The following PELI2 variants were observed in gnomAD, a reference collection of about 807,000 sequenced individuals.
The protein encoded by PELI2 is pellino E3 ubiquitin protein ligase family member 2.
Under a neutral mutation model 42.3 loss-of-function variants are expected in PELI2, and 23 were observed. That is an observed-to-expected ratio of 0.54 (90% confidence interval 0.39 to 0.77). The LOEUF (loss-of-function observed/expected upper bound fraction) is 0.77, where lower values mean the gene tolerates loss of function less well. Ranked by LOEUF, PELI2 falls within the 30% of genes least tolerant of loss-of-function variation. The pLI is 0.00. For synonymous variants in PELI2, 245 were observed against 212.2 expected (o/e 1.15, Z -1.34); for missense variants, 463 against 553.2 (o/e 0.84, Z 1.64).
rs747360305 is a variant in PELI2 at position 56,118,696 on chromosome 14, C to A, written c.36C>A (p.Pro12=). Residue 12 remains proline, a synonymous_variant, in exon 1 of 6, where the codon CCC becomes CCA. Transcript: ENST00000267460. The part of the protein sequence containing the change: ...FSPGQEEHCA[P]NKEPVKYGEL... Reference sequence around the variant, plus strand: ...CTGGCCAGGAGGAACACTGCGCCCCCAATAAGGAGCCAGTGAAATACGGGG... The same window carrying A: ...CTGGCCAGGAGGAACACTGCGCCCCAAATAAGGAGCCAGTGAAATACGGGG... 10 of 1,525,656 alleles carry A rather than the reference C, an allele frequency of 6.6e-6. No homozygotes were observed. Among genetic ancestry groups the A allele is most frequent in the Non-Finnish European group, 8.8e-6 (10 of 1,136,590 alleles). The allele number at this position is 1,525,656 out of a possible 1,614,324, so 94.5% of individuals were successfully genotyped here. A position where few individuals can be genotyped will look rare whatever the true frequency, so the allele number is the denominator to read the frequency against.
intron 1 of PELI2, among the ~76,000 whole-genome samples, chr14:56,173,106 A>G (rs1428983174): frequency 2.6e-5 from 4 of 152,056 alleles, no homozygotes; most frequent in Non-Finnish European, 1.5e-5. Flanking sequence ...GGAGCTCCAG[A>G]CCTAACTTCA....
intron 2 of PELI2, among the ~76,000 whole-genome samples, chr14:56,209,926 G>A (rs539007509): frequency 6.6e-6 from 1 of 152,302 alleles, no homozygotes; most frequent in East Asian, 1.9e-4. Context: ...TTTGTACCAG[G>A]TGAAAGGAGA....
At chr14:56,232,390 A>C (rs1887617322) in intron 2 of PELI2, among the ~76,000 whole-genome samples, 1 of 152,172 alleles carries the variant, frequency 6.6e-6, no homozygotes. Context: ...ATCCAGCAGC[A>C]CATCAAAAAG....
intron 2 of PELI2, among the ~76,000 whole-genome samples, chr14:56,232,113 A>G (rs985431070): frequency 5.3e-5 from 8 of 152,230 alleles, no homozygotes; most frequent in Non-Finnish European, 1.0e-4. Context: ...CGTGGCAATA[A>G]TTAATAGCTT....
At chr14:56,294,454 G>A (rs1264335034) in intron 5 of PELI2, among the ~76,000 whole-genome samples, 1 of 152,220 alleles carries the variant, frequency 6.6e-6, no homozygotes, top group Non-Finnish European at 1.5e-5. Flanking sequence ...TGCATTGGGA[G>A]TGACCTTTTA....
At chr14:56,268,857 G>C (rs757075835) in intron 2 of PELI2, among the ~76,000 whole-genome samples, 13 of 152,076 alleles carry the variant, frequency 8.5e-5, no homozygotes, top group Non-Finnish European at 1.8e-4. Flanking sequence ...TTTCAGATCT[G>C]CACCCCTGCT....
chr14:56,298,335 G>GT lies in PELI2; in HGVS notation c.*1171dup, dbSNP rs3841299. On this transcript the variant is annotated 3_prime_UTR_variant, in exon 6 of 6. Transcript: ENST00000267460. ...CCTGCTTTTGAGAGAGCAAATGAGT[G>GT]TTGCTGAGGAATAATTAAATGAGAA... 118,638 of 152,390 alleles carry GT rather than the reference G, an allele frequency of 0.78. 46,893 individuals are homozygous for GT. The highest frequency in any genetic ancestry group is 0.91 in the African/African-American group (37,959 of 41,538). 9.4% of individuals were successfully genotyped at this position (152,390 alleles called of 1,614,324 possible).
At chr14:56,251,551 G>C (rs1297610557) in intron 2 of PELI2, among the ~76,000 whole-genome samples, 1 of 152,162 alleles carries the variant, frequency 6.6e-6, no homozygotes, top group Non-Finnish European at 1.5e-5. Context: ...TTGTGATGCA[G>C]GGAGGTGGAG....
chr14:56,251,777 T>G (rs183451614), intron 2 of PELI2, among the ~76,000 whole-genome samples: 4 of 152,330 alleles, frequency 2.6e-5, no homozygotes, highest in Admixed American at 2.6e-4. Context: ...ATGTTAGCTG[T>G]GCTAATTATT....
intron 1 of PELI2, among the ~76,000 whole-genome samples, chr14:56,130,239 G>A (rs1883435036): frequency 6.6e-6 from 1 of 152,086 alleles, no homozygotes; most frequent in Non-Finnish European, 1.5e-5. Context: ...AGTGCTATTC[G>A]TGTGTGGCCT....
chr14:56,274,278 C>T (rs572326634), intron 2 of PELI2, among the ~76,000 whole-genome samples: 67 of 152,310 alleles, frequency 4.4e-4, no homozygotes, highest in South Asian at 8.3e-4. Context: ...TTGATAAAGG[C>T]TCACTTAGCA....
intron 2 of PELI2, among the ~76,000 whole-genome samples, chr14:56,246,401 C>G (rs569348790): frequency 9.2e-5 from 14 of 152,174 alleles, no homozygotes; most frequent in Non-Finnish European, 1.6e-4. Context: ...ATGTTAATAA[C>G]TACTTAAGCT....
chr14:56,177,744 A>C (rs1885436268), intron 1 of PELI2, among the ~76,000 whole-genome samples: 1 of 152,214 alleles, frequency 6.6e-6, no homozygotes, highest in African/African-American at 2.4e-5. Flanking sequence ...TTTGCTAACA[A>C]AAATATATTT....
intron 1 of PELI2, among the ~76,000 whole-genome samples, chr14:56,167,957 C>T (rs948439320): frequency 6.6e-6 from 1 of 152,198 alleles, no homozygotes; most frequent in Non-Finnish European, 1.5e-5. Context: ...GCACAAAATC[C>T]AGGAGAATTC....
chr14:56,267,712 G>A (rs1337411759), intron 2 of PELI2, among the ~76,000 whole-genome samples: 1 of 152,014 alleles, frequency 6.6e-6, no homozygotes, highest in Non-Finnish European at 1.5e-5. Flanking sequence ...TCAGCAGATG[G>A]ACAAATTTTA....
rs1406430655 is a variant in PELI2, at chr14:56,119,659, G to T, written c.77+922G>T. 2.6e-5 allele frequency: 13 copies of T among 491,836 alleles called. No individual in the cohort carries two copies. The Admixed American group carries it at 6.4e-4, about 24-fold the overall frequency. The allele number at this position is 491,836 out of a possible 1,614,324, so 30.5% of individuals were successfully genotyped here. A position where few individuals can be genotyped will look rare whatever the true frequency, so the allele number is the denominator to read the frequency against. ...TTACCCTTAATAAGCCAGGAGAGAGGCTTTGCGGGCTTAAAACTGGATATA... is the reference window on the plus strand; with the variant it reads ...TTACCCTTAATAAGCCAGGAGAGAGTCTTTGCGGGCTTAAAACTGGATATA... On this transcript the variant is annotated intron_variant, in intron 1 of 5. Transcript: ENST00000267460.
At chr14:56,146,490 T>C (rs996799833) in intron 1 of PELI2, among the ~76,000 whole-genome samples, 1 of 152,196 alleles carries the variant, frequency 6.6e-6, no homozygotes, top group African/African-American at 2.4e-5. Flanking sequence ...TACTGGAAGT[T>C]CGTATAAGAT....
intron 2 of PELI2, among the ~76,000 whole-genome samples, chr14:56,210,855 C>G (rs1886688279): frequency 6.6e-6 from 1 of 152,150 alleles, no homozygotes; most frequent in Non-Finnish European, 1.5e-5. Context: ...TGACCTATGG[C>G]TGAACATCCT....
At chr14:56,247,016 C>G (rs1888185567) in intron 2 of PELI2, among the ~76,000 whole-genome samples, 1 of 152,134 alleles carries the variant, frequency 6.6e-6, no homozygotes, top group Non-Finnish European at 1.5e-5. Flanking sequence ...TGCTTACTTT[C>G]TGTACCTAAA....
Sources: allele counts gnomAD v4.1 joint callset (sites outside exome capture counted in the v4.1 genomes callset), GRCh38; gene constraint gnomAD v4.1.1; transcripts MANE v1.5; gene names NCBI Gene and HGNC (gene_info 2026-07-23, HGNC 2026-07-21).